SIK3: variants seen among roughly 807,000 people sequenced by gnomAD.
The protein encoded by SIK3 is serine/threonine-protein kinase SIK3.
A neutral mutation model predicts 144.2 loss-of-function variants in SIK3; 28 were observed. The ratio of observed to expected loss-of-function variants is 0.19; its 90% CI spans 0.14 to 0.27. The LOEUF is 0.27. Among genes scored for constraint, SIK3 ranks in the 10% least tolerant of loss-of-function variants. The pLI is 1.00. For missense variants in SIK3, 1,319 were observed against 1,776.0 expected (o/e 0.74, Z 4.62); for synonymous variants, 686 against 676.3 (o/e 1.01, Z -0.22).
At chr11:117,032,429 A>G (rs1288612644) in intron 1 of SIK3, among the ~76,000 whole-genome samples, 3 of 152,198 alleles carry the variant, frequency 2.0e-5, no homozygotes, top group East Asian at 1.9e-4. Context: ...ACTGTTATAA[A>G]TGGTATTGCA....
chr11:117,069,027 T>C (rs924373760), intron 1 of SIK3, among the ~76,000 whole-genome samples: 1 of 151,992 alleles, frequency 6.6e-6, no homozygotes, highest in Non-Finnish European at 1.5e-5. Context: ...TACAGATAGA[T>C]TGAAACTTAA....
intron 3 of SIK3, among the ~76,000 whole-genome samples, chr11:116,946,855 C>T (rs1948616404): frequency 1.3e-5 from 2 of 152,066 alleles, no homozygotes; most frequent in African/African-American, 4.8e-5. Flanking sequence ...TTGGCTCACG[C>T]CTGTAATCCC....
At chr11:116,880,008 C>T (rs1422211621) in intron 6 of SIK3, among the ~76,000 whole-genome samples, 1 of 152,046 alleles carries the variant, frequency 6.6e-6, no homozygotes, top group African/African-American at 2.4e-5. Context: ...TTGTTAAGGC[C>T]TCTAGATGGC....
rs12285230 is a variant in SIK3 at position 116,938,858 on chromosome 11, A to G, written c.455-11478T>C. Among the ~76,000 whole-genome samples, 524 of 152,298 alleles carry G rather than the reference A, an allele frequency of 3.4e-3. 3 individuals carry two copies. Among genetic ancestry groups the G allele is most frequent in the African/African-American group, 0.012 (501 of 41,566 alleles). On this transcript the variant is annotated intron_variant, in intron 3 of 24. Coordinates refer to ENST00000445177, the MANE Select transcript of SIK3 (RefSeq NM_001366686.3). Reference sequence around the variant, plus strand: ...TAAGTGGAATAATTTCAGTTTCAAAAGAAGAATGACTTAATGGACTGAAGC... The same window carrying G: ...TAAGTGGAATAATTTCAGTTTCAAAGGAAGAATGACTTAATGGACTGAAGC...
intron 1 of SIK3, among the ~76,000 whole-genome samples, chr11:117,025,950 T>C (rs1448328459): frequency 6.6e-6 from 1 of 152,104 alleles, no homozygotes; most frequent in African/African-American, 2.4e-5. Flanking sequence ...ATTCTCAAAT[T>C]TGGGTTTTAT....
intron 1 of SIK3, among the ~76,000 whole-genome samples, chr11:117,078,548 G>A (rs552140407): frequency 6.6e-6 from 1 of 151,158 alleles, no homozygotes; most frequent in Admixed American, 6.6e-5. Flanking sequence ...CCAAGTAGCT[G>A]GGATTACAGG....
intron 1 of SIK3, among the ~76,000 whole-genome samples, chr11:117,019,840 G>A (rs1951694664): frequency 6.6e-6 from 1 of 151,876 alleles, no homozygotes; most frequent in African/African-American, 2.4e-5. Flanking sequence ...GGAGGTTTCA[G>A]TGAGTTTAGA....
At chr11:116,852,367 C>T (rs913313800) in intron 21 of SIK3, among the ~76,000 whole-genome samples, 2 of 152,222 alleles carry the variant, frequency 1.3e-5, no homozygotes, top group African/African-American at 4.8e-5. Flanking sequence ...AACCACCTGA[C>T]AAATCATGTA....
intron 1 of SIK3, among the ~76,000 whole-genome samples, chr11:117,014,163 T>G (rs1951420581): frequency 6.6e-6 from 1 of 151,098 alleles, no homozygotes; most frequent in Non-Finnish European, 1.5e-5. Flanking sequence ...GTTCTTTCTA[T>G]TACATCGTGC....
At chr11:116,912,901 C>T (rs1946420289) in intron 4 of SIK3, among the ~76,000 whole-genome samples, 1 of 152,116 alleles carries the variant, frequency 6.6e-6, no homozygotes, top group Admixed American at 6.5e-5. Context: ...AACCAAAGAT[C>T]AAGACTGGTG....
chr11:116,864,137 G>C, intron 15 of SIK3: 1 of 206,204 alleles, frequency 4.8e-6, no homozygotes, highest in Non-Finnish European at 9.9e-6. Flanking sequence ...TATCCTCCAG[G>C]CCAGACTGTA....
rs183456377 is a variant in SIK3, at chr11:116,897,151, G to T, written c.741+42C>A. The T allele has an allele frequency of 2.6e-5, 42 of 1,597,650 alleles. 1 individual carries two copies. The highest frequency in any genetic ancestry group is 2.0e-4 in the African/African-American group (15 of 74,406). On this transcript the variant is annotated intron_variant, in intron 5 of 24. Transcript: ENST00000445177. ...ATGCGAATAGCTGTCATCAACCAAGGGTAGCTAATGCTGTGGGGTATAAGA... is the reference window on the plus strand; with the variant it reads ...ATGCGAATAGCTGTCATCAACCAAGTGTAGCTAATGCTGTGGGGTATAAGA...
chr11:117,074,931 CAA>C (rs72127154), intron 1 of SIK3, among the ~76,000 whole-genome samples: 1 of 116,626 alleles, frequency 8.6e-6, no homozygotes, highest in Non-Finnish European at 1.9e-5. Flanking sequence ...CGTCTCAAAA[CAA>C]AAAAAAAAAA....
intron 6 of SIK3, among the ~76,000 whole-genome samples, chr11:116,887,355 G>A (rs1420746639): frequency 4.6e-5 from 7 of 151,776 alleles, no homozygotes; most frequent in African/African-American, 1.7e-4. Flanking sequence ...GGTGGCTCAC[G>A]TCTGTAATCC....
At chr11:117,003,165 C>T (rs1950914941) in intron 1 of SIK3, among the ~76,000 whole-genome samples, 1 of 152,174 alleles carries the variant, frequency 6.6e-6, no homozygotes, top group Non-Finnish European at 1.5e-5. Flanking sequence ...TACATTAAGT[C>T]TCTTGCAACG....
chr11:117,088,841 G>A (rs1410581429), intron 1 of SIK3, among the ~76,000 whole-genome samples: 1 of 149,864 alleles, frequency 6.7e-6, no homozygotes, highest in East Asian at 1.9e-4. Flanking sequence ...CACACCCCTG[G>A]TTATTTTTAT....
At position 117,090,604 on chromosome 11, in the gene SIK3, A is replaced by G. The variant is rs181940958; in HGVS notation, c.273+7539T>C. Among the ~76,000 whole-genome samples, 518 of 152,348 alleles carry G rather than the reference A, an allele frequency of 3.4e-3. 14 individuals carry two copies. Among genetic ancestry groups the G allele is most frequent in the Admixed American group, 0.03 (452 of 15,306 alleles). ...CAGCAGAACAAATGTATAATTACCA[A>G]TATTCCCTAGGAGTTAGCTAGATAT... is the stretch of plus-strand genomic sequence containing the variant. On this transcript the variant is annotated intron_variant, in intron 1 of 24. Coordinates refer to ENST00000445177, the MANE Select transcript of SIK3 (RefSeq NM_001366686.3).
intron 1 of SIK3, among the ~76,000 whole-genome samples, chr11:117,086,182 C>G (rs1954994775): frequency 6.6e-6 from 1 of 152,098 alleles, no homozygotes; most frequent in Non-Finnish European, 1.5e-5. Context: ...CCTATATGGC[C>G]CAATTACCCT....
At position 116,876,370 on chromosome 11, in the gene SIK3, C is replaced by A; in HGVS notation, c.985-7G>T. 1.2e-6 allele frequency: 2 copies of A among 1,608,770 alleles called. No homozygotes were observed. Among genetic ancestry groups the A allele is most frequent in the Non-Finnish European group, 1.7e-6 (2 of 1,175,354 alleles). ...GTTGGCATTCAGCTATTAACTGTAA[C>A]ATAAAAAGGAGGAAGCTGTCAACCC... On this transcript the variant is annotated splice_region_variant and splice_polypyrimidine_tract_variant and intron_variant, in intron 7 of 24. Transcript: ENST00000445177.
Sources: allele counts gnomAD v4.1 joint callset (sites outside exome capture counted in the v4.1 genomes callset), GRCh38; gene constraint gnomAD v4.1.1; transcripts MANE v1.5; gene names NCBI Gene and HGNC (gene_info 2026-07-23, HGNC 2026-07-21).